Variants in FAM83G observed in about 807,000 individuals in gnomAD.
The protein encoded by FAM83G is protein FAM83G.
In FAM83G, 38 loss-of-function variants were observed where a neutral mutation model predicts 61.5. The ratio of observed to expected loss-of-function variants is 0.62; its 90% CI spans 0.48 to 0.81. The LOEUF (loss-of-function observed/expected upper bound fraction) is 0.81. Ranked by LOEUF, FAM83G falls within the 30% of genes least tolerant of loss-of-function variation. The pLI, the probability that FAM83G is intolerant of heterozygous loss-of-function variation, is 0.00. For synonymous variants in FAM83G, 470 were observed against 476.1 expected (o/e 0.99, Z 0.17); for missense variants, 989 against 1,133.6 (o/e 0.87, Z 1.83).
rs750150545 is a variant in FAM83G, at chr17:18,969,007, A to G, written c.*2352T>C. 8 of 1,558,000 alleles carry G rather than the reference A, an allele frequency of 5.1e-6. No homozygotes were observed. Among genetic ancestry groups the G allele is most frequent in the Admixed American group, 1.8e-5 (1 of 54,938 alleles). ...GGTCACCCAGGGAGTGGCTTGCTGGAGCCCTGGGAATAACAGTCCCACACA... is the reference window on the plus strand; with the variant it reads ...GGTCACCCAGGGAGTGGCTTGCTGGGGCCCTGGGAATAACAGTCCCACACA... On this transcript the variant is annotated 3_prime_UTR_variant, in exon 6 of 6. Coordinates refer to ENST00000388995, the MANE Select transcript of FAM83G (RefSeq NM_001039999.3).
chr17:18,981,249 G>A (rs1362012551), intron 3 of FAM83G, among the ~76,000 whole-genome samples: 7 of 152,168 alleles, frequency 4.6e-5, no homozygotes, highest in Non-Finnish European at 8.8e-5. Context: ...ACAGGGGGAG[G>A]TGGGGAAGCA....
intron 2 of FAM83G, among the ~76,000 whole-genome samples, chr17:18,998,566 C>A (rs1302900736): frequency 1.3e-5 from 2 of 152,230 alleles, no homozygotes; most frequent in Non-Finnish European, 2.9e-5. Flanking sequence ...GGGAAGGAGG[C>A]CAGCCCAGTG....
chr17:18,999,693 G>A (rs2043677564), intron 2 of FAM83G, among the ~76,000 whole-genome samples: 1 of 152,240 alleles, frequency 6.6e-6, no homozygotes, highest in South Asian at 2.1e-4. Context: ...GTGTGTGAAG[G>A]CGGGGGCCTG....
At chr17:18,974,256 C>T (rs1163511614) in intron 5 of FAM83G, among the ~76,000 whole-genome samples, 1 of 152,128 alleles carries the variant, frequency 6.6e-6, no homozygotes, top group African/African-American at 2.4e-5. Flanking sequence ...GAACTCCTGA[C>T]CTCAAGTAAT....
intron 2 of FAM83G, among the ~76,000 whole-genome samples, chr17:18,991,137 G>A (rs1045610929): frequency 2.6e-5 from 4 of 152,214 alleles, no homozygotes; most frequent in Admixed American, 1.3e-4. Flanking sequence ...TCGCCACCTT[G>A]CCTAATTCTG....
rs373054604 is a variant in FAM83G, at chr17:18,969,304, G to A, written c.*2055C>T. On this transcript the variant is annotated 3_prime_UTR_variant, in exon 6 of 6. Transcript: ENST00000388995. ...CCTCCCCGTGTCCCTCCTCCCTGGG[G>A]CCAGGGCCCCCTCCAGCAACCTTGC... 4.2e-5 allele frequency: 68 copies of A among 1,606,720 alleles called. No individual in the cohort carries two copies. In the African/African-American group the frequency reaches 8.4e-4, roughly 20 times the overall value.
chr17:18,984,080 C>T lies in FAM83G; in HGVS notation c.690+4167G>A, dbSNP rs568214011. ...TGCCTTGGCCGGGCGCGGTGGCTCACGCCTGTAATCCCCGCACTTTGGGAG... is the reference window on the plus strand; with the variant it reads ...TGCCTTGGCCGGGCGCGGTGGCTCATGCCTGTAATCCCCGCACTTTGGGAG... On this transcript the variant is annotated intron_variant, in intron 3 of 5. Transcript: ENST00000388995. 4.9e-4 allele frequency among the ~76,000 whole-genome samples: 75 copies of T among 152,308 alleles called. 1 individual carries two copies. Among genetic ancestry groups the T allele is most frequent in the African/African-American group, 1.6e-3 (67 of 41,580 alleles).
chr17:18,984,939 C>A (rs2043232410), intron 3 of FAM83G, among the ~76,000 whole-genome samples: 1 of 152,262 alleles, frequency 6.6e-6, no homozygotes, highest in African/African-American at 2.4e-5. Context: ...CTGGGAGCCC[C>A]ACATTTGGGG....
At chr17:18,992,751 C>T (rs1597876958) in intron 2 of FAM83G, among the ~76,000 whole-genome samples, 1 of 152,208 alleles carries the variant, frequency 6.6e-6, no homozygotes, top group Admixed American at 6.5e-5. Context: ...CAAGGCCCTT[C>T]GTCTCTGATG....
At chr17:18,976,027 A>G (rs2042967845) in intron 5 of FAM83G, 1 of 151,680 alleles carries the variant, frequency 6.6e-6, no homozygotes, top group Non-Finnish European at 1.5e-5. Flanking sequence ...CTCTATTTTA[A>G]AAATACAAAA....
At chr17:18,988,731 G>A (rs1438974521) in intron 2 of FAM83G, among the ~76,000 whole-genome samples, 1 of 152,252 alleles carries the variant, frequency 6.6e-6, no homozygotes, top group Non-Finnish European at 1.5e-5. Context: ...GTCAATGACC[G>A]GAAGGGCAGC....
chr17:18,971,452 C>T lies in FAM83G; in HGVS notation c.2379G>A (p.Ser793=), dbSNP rs943694853. The T allele has an allele frequency of 5.0e-6, 8 of 1,613,818 alleles. No individual in the cohort carries two copies. In the African/African-American group the frequency reaches 5.3e-5, roughly 11 times the overall value. Residue 793 remains serine (S), a synonymous_variant, in exon 6 of 6, where the codon TCG becomes TCA. Coordinates refer to ENST00000388995, the MANE Select transcript of FAM83G (RefSeq NM_001039999.3). The surrounding 1 kb of genome is among the most constrained non-coding windows in gnomAD (Gnocchi z 5.5). ...CGCCCGTCCTGGCCTTTAGGTGCTT[C>T]GACTGAGACAGTTTGGAGTATGGGA... is the stretch of plus-strand genomic sequence containing the variant. The part of the protein sequence containing the change: ...FGIPYSKLSQ[S]KHLKARTGGS...
At chr17:18,987,926 G>A (rs1265793875) in intron 3 of FAM83G, among the ~76,000 whole-genome samples, 2 of 152,252 alleles carry the variant, frequency 1.3e-5, no homozygotes, top group Non-Finnish European at 2.9e-5. Flanking sequence ...CCAGAGGTAT[G>A]CAAGCAAACA....
At chr17:18,979,712 A>C (rs2043081318) in intron 3 of FAM83G, 39 bp from the exon 4 acceptor site, 1 of 1,609,784 alleles carries the variant, frequency 6.2e-7, no homozygotes, top group Admixed American at 1.7e-5. Context: ...CACGACTGCA[A>C]CCCTGACCAC....
At chr17:18,990,284 T>C (rs1436358314) in intron 2 of FAM83G, among the ~76,000 whole-genome samples, 1 of 152,266 alleles carries the variant, frequency 6.6e-6, no homozygotes, top group South Asian at 2.1e-4. Context: ...GAAGACACGA[T>C]GCAGGCAGGT....
chr17:18,993,698 G>C (rs79537227), intron 2 of FAM83G, among the ~76,000 whole-genome samples: 3 of 152,146 alleles, frequency 2.0e-5, no homozygotes, highest in Admixed American at 6.5e-5. Context: ...AAGTGCCGGG[G>C]GTGGACAGAG....
chr17:18,971,360 TA>T lies in FAM83G; in HGVS notation c.2470del (p.Ter824SerfsTer58). 1 of 1,560,744 alleles carries T rather than the reference TA, an allele frequency of 6.4e-7. No homozygotes were observed. The highest frequency in any genetic ancestry group is 8.6e-7 in the Non-Finnish European group (1 of 1,159,792). Reference protein sequence around the residue: ...AQAPRDRKDP* With the variant: ...AQAPRDRKDPX ...GTGGCTCCAGGCTGGGACATGCTGC[TA>T]GGGGTCTTTGCGGTCCCGGGGGGCT... On this transcript the variant is annotated frameshift_variant and stop_lost, in exon 6 of 6. Transcript: ENST00000388995. LOFTEE classifies it high-confidence loss of function. The surrounding 1 kb of genome is among the most constrained non-coding windows in gnomAD (Gnocchi z 5.5).
chr17:18,988,203 AC>A, intron 3 of FAM83G, 43 bp downstream of exon 3: 1 of 1,592,214 alleles, frequency 6.3e-7, no homozygotes, highest in East Asian at 2.3e-5. Flanking sequence ...AGACTGAATG[AC>A]CCCTGCCCTC....
Position 19,003,645 on chromosome 17 carries a change from G to C in FAM83G, c.397C>G (p.Leu133Val). 2 of 1,612,418 alleles carry C rather than the reference G, an allele frequency of 1.2e-6. No individual in the cohort carries two copies. The highest frequency in any genetic ancestry group is 1.1e-5 in the South Asian group (1 of 91,006). ...KSDRSIPQLDLGWPDTIAYRG... is the reference protein window; with the variant it reads ...KSDRSIPQLDVGWPDTIAYRG... ...TAGGCGATGGTGTCGGGCCAGCCCA[G>C]GTCCAGCTGCGGGATGGAGCGGTCC... Residue 133 changes from leucine to valine, a missense_variant, in exon 2 of 6, where the codon CTG (leucine) becomes GTG (valine). Around this residue, in one of 3 missense-constraint regions of FAM83G, gnomAD observed 371 missense variants for 404.5 expected, o/e 0.92. Transcript: ENST00000388995. The surrounding 1 kb of genome is among the most constrained non-coding windows in gnomAD (Gnocchi z 4.5).
Sources: gnomAD v4.1 joint callset for allele counts (sites outside exome capture counted in the v4.1 genomes callset) on GRCh38, gnomAD v4.1.1 for gene constraint, gnomAD v4.1.1 regional missense constraint, Gnocchi (gnomAD v3.1) non-coding constraint, MANE v1.5 for transcripts, NCBI Gene and HGNC (gene_info 2026-07-23, HGNC 2026-07-21) for gene names.